The following OR51B5 variants were observed in gnomAD, a reference collection of about 807,000 sequenced individuals.
OR51B5 encodes the protein olfactory receptor 51B5.
For synonymous variants in OR51B5, 186 were observed against 144.8 expected (o/e 1.28, Z -2.04); for missense variants, 456 against 374.6 (o/e 1.22, Z -1.79).
intron 1 of OR51B5, among the ~76,000 whole-genome samples, chr11:5,436,207 G>T (rs1390523530): frequency 1.3e-5 from 2 of 152,138 alleles, no homozygotes; most frequent in Non-Finnish European, 2.9e-5. Context: ...AGACGGGTTG[G>T]GATCAGTATG....
At chr11:5,499,001 A>G (rs1851685999) in intron 1 of OR51B5, among the ~76,000 whole-genome samples, 1 of 152,232 alleles carries the variant, frequency 6.6e-6, no homozygotes, top group Admixed American at 6.5e-5. Flanking sequence ...TCAGGGAGCT[A>G]TTATTCCGAC....
intron 1 of OR51B5, among the ~76,000 whole-genome samples, chr11:5,420,609 C>A (rs544476856): frequency 2.0e-5 from 3 of 151,834 alleles, no homozygotes; most frequent in South Asian, 4.2e-4. Flanking sequence ...AAGATTATAT[C>A]TACTTGTCTT....
At chr11:5,381,861 T>C (rs1189968674) in intron 1 of OR51B5, among the ~76,000 whole-genome samples, 5 of 152,330 alleles carry the variant, frequency 3.3e-5, no homozygotes, top group Admixed American at 1.3e-4. Context: ...ATAAAGCTAT[T>C]ATACAGATGT....
intron 1 of OR51B5, chr11:5,468,769 G>A (rs759003801): frequency 1.3e-4 from 60 of 456,008 alleles, no homozygotes; most frequent in Non-Finnish European, 2.3e-4. Context: ...CATAGGAGAG[G>A]AGGATGAGCA....
chr11:5,497,535 C>T (rs1442825449), intron 1 of OR51B5, among the ~76,000 whole-genome samples: 1 of 152,164 alleles, frequency 6.6e-6, no homozygotes, highest in Admixed American at 6.5e-5. Context: ...TCCATCAGAA[C>T]ACTTGGGACT....
intron 1 of OR51B5, among the ~76,000 whole-genome samples, chr11:5,405,948 C>A (rs762984178): frequency 2.6e-5 from 4 of 152,154 alleles, no homozygotes; most frequent in Non-Finnish European, 5.9e-5. Flanking sequence ...CAAGAAGAAT[C>A]ATTTCATCAA....
intron 1 of OR51B5, chr11:5,422,363 C>A: frequency 2.5e-6 from 4 of 1,614,158 alleles, no homozygotes; most frequent in Non-Finnish European, 2.5e-6. Flanking sequence ...TCGCACAGAG[C>A]CATCTGTCCA....
intron 1 of OR51B5, among the ~76,000 whole-genome samples, chr11:5,433,659 G>A (rs753702939): frequency 3.9e-5 from 6 of 152,034 alleles, no homozygotes; most frequent in Non-Finnish European, 8.8e-5. Context: ...GGCCCCATCT[G>A]TACTAAAAAT....
chr11:5,385,218 T>C (rs967818970), intron 1 of OR51B5: 1 of 152,148 alleles, frequency 6.6e-6, no homozygotes, highest in African/African-American at 2.4e-5. Flanking sequence ...TTAGTAGACA[T>C]GAAAAAATGA....
chr11:5,343,222 AAAGTAGGCCT>A lies in OR51B5; in HGVS notation c.293_302del (p.Gln98LeufsTer39). The A allele has an allele frequency of 4.3e-6, 7 of 1,613,834 alleles. No homozygotes were observed. Among genetic ancestry groups the A allele is most frequent in the Non-Finnish European group, 5.1e-6 (6 of 1,179,884 alleles). On this transcript the variant is annotated frameshift_variant, in exon 1 of 1. Transcript: ENST00000300773. LOFTEE classifies it low-confidence loss of function (END_TRUNC). ...ACTCGAGAAAGGAAAGTGAGTGTAT[AAAGTAGGCCT>A]GGGAAAAGCAGGCCGCACTTCCAAT... is the stretch of plus-strand genomic sequence containing the variant.
intron 1 of OR51B5, among the ~76,000 whole-genome samples, chr11:5,496,138 G>C (rs1851647273): frequency 1.3e-5 from 2 of 148,708 alleles, no homozygotes; most frequent in Non-Finnish European, 3.0e-5. Context: ...CATGCTTCTT[G>C]CTTGTGTAGT....
At chr11:5,365,755 G>A (rs193097220) in intron 1 of OR51B5, among the ~76,000 whole-genome samples, 48 of 152,260 alleles carry the variant, frequency 3.2e-4, no homozygotes, top group African/African-American at 1.1e-3. Flanking sequence ...ATAAGCTTTT[G>A]AGGGCAGATA....
At chr11:5,455,572 A>AGG (rs1198953800) in intron 1 of OR51B5, 5 of 149,806 alleles carry the variant, frequency 3.3e-5, no homozygotes, top group African/African-American at 1.3e-4. Flanking sequence ...GGGGAGAGAG[A>AGG]GAGAGAAAGA....
At chr11:5,380,462 C>T (rs190217744) in intron 1 of OR51B5, among the ~76,000 whole-genome samples, 4 of 152,238 alleles carry the variant, frequency 2.6e-5, no homozygotes, top group East Asian at 3.9e-4. Context: ...TCTAACAGGC[C>T]TGAGAGTGAG....
At chr11:5,411,179 T>C (rs926317057) in intron 1 of OR51B5, among the ~76,000 whole-genome samples, 8 of 152,234 alleles carry the variant, frequency 5.3e-5, no homozygotes, top group Admixed American at 2.6e-4. Flanking sequence ...ACTCTATTCA[T>C]GGTACATGCC....
intron 1 of OR51B5, among the ~76,000 whole-genome samples, chr11:5,380,036 A>T (rs1237269972): frequency 3.9e-5 from 6 of 152,174 alleles, no homozygotes; most frequent in African/African-American, 1.4e-4. Context: ...TGTTATAGCA[A>T]ATCAAAATAT....
chr11:5,477,475 T>C (rs1851328618), intron 1 of OR51B5, among the ~76,000 whole-genome samples: 1 of 152,138 alleles, frequency 6.6e-6, no homozygotes, highest in Non-Finnish European at 1.5e-5. Context: ...TCTCAGTTTA[T>C]TACAAACCTA....
At chr11:5,402,226 G>C (rs2467224) in intron 1 of OR51B5, among the ~76,000 whole-genome samples, 56,650 of 151,786 alleles carry the variant, frequency 0.37, 10,669 homozygotes, top group South Asian at 0.43. Context: ...TGTTGCCTAA[G>C]CTGGTCTCAA....
chr11:5,459,039 A>C (rs564951596), intron 1 of OR51B5, among the ~76,000 whole-genome samples: 1 of 152,222 alleles, frequency 6.6e-6, no homozygotes, highest in Non-Finnish European at 1.5e-5. Flanking sequence ...TCAGTTCTCA[A>C]AAGGAATGCT....
Sources: gnomAD v4.1 joint callset for allele counts (sites outside exome capture counted in the v4.1 genomes callset) on GRCh38, gnomAD v4.1.1 for gene constraint, MANE v1.5 for transcripts, NCBI Gene and HGNC (gene_info 2026-07-23, HGNC 2026-07-21) for gene names.